The following COQ8B variants were observed in gnomAD, a reference collection of about 807,000 sequenced individuals.
COQ8B encodes the protein coenzyme Q8B, also known as atypical kinase COQ8B, mitochondrial.
Under a neutral mutation model 62.0 loss-of-function variants are expected in COQ8B, and 44 were observed. That is an observed-to-expected ratio of 0.71 (90% CI 0.56 to 0.91). The LOEUF (loss-of-function observed/expected upper bound fraction) is 0.91, where lower values mean the gene tolerates loss of function less well. COQ8B is among the 40% of genes least tolerant of loss of function. The pLI is 0.00. For missense variants in COQ8B, 649 were observed against 731.6 expected (o/e 0.89, Z 1.30); for synonymous variants, 252 against 289.9 (o/e 0.87, Z 1.33).
intron 14 of COQ8B, 81 bp from the exon 15 acceptor site, chr19:40,692,454 C>T: frequency 1.9e-5 from 22 of 1,185,250 alleles, no homozygotes; most frequent in South Asian, 1.1e-4. Context: ...CAACGTGTAG[C>T]CTCCACTCCC....
chr19:40,703,195 T>C (rs1264771722), intron 9 of COQ8B, among the ~76,000 whole-genome samples: 1 of 151,912 alleles, frequency 6.6e-6, no homozygotes, highest in Non-Finnish European at 1.5e-5. Flanking sequence ...CAACCCACCC[T>C]CCTTTCTCTA....
chr19:40,702,516 C>T (rs2082068092), intron 10 of COQ8B, 84 bp downstream of exon 10: 2 of 1,316,984 alleles, frequency 1.5e-6, no homozygotes, highest in Non-Finnish European at 2.2e-6. Context: ...CCCACAGCTC[C>T]AGCTGCCAGA....
chr19:40,692,459 A>G (rs1230388390), intron 14 of COQ8B, 86 bp from the exon 15 acceptor site: 2 of 1,183,398 alleles, frequency 1.7e-6, no homozygotes, highest in Non-Finnish European at 2.4e-6. Flanking sequence ...TGTAGCCTCC[A>G]CTCCCTCCAG....
At chr19:40,700,554 G>T in intron 10 of COQ8B, 103 bp from the exon 11 acceptor site, 1 of 1,391,038 alleles carries the variant, frequency 7.2e-7, no homozygotes, top group African/African-American at 1.4e-5. Context: ...TGAACAGTCT[G>T]CGCCATGCCC....
In COQ8B at chr19:40,700,335, C is replaced by T. The variant is rs1290469308; in HGVS notation, c.1010G>A (p.Gly337Asp). 2 of 1,614,134 alleles carry T rather than the reference C, an allele frequency of 1.2e-6. No individual in the cohort carries two copies. The highest frequency in any genetic ancestry group is 2.2e-5 in the East Asian group (1 of 44,886). The change falls in exon 11 of 15, where the codon GGC (glycine) becomes GAC (aspartate). Residue 337 changes from glycine to aspartate, a missense_variant. Gly to Asp is a moderately conservative substitution (Grantham distance 94). Coordinates refer to ENST00000324464, the MANE Select transcript of COQ8B (RefSeq NM_024876.4). ...AGGVPLDQCQ[G>D]LSQDLRNQIC... is the part of the protein sequence containing the mutation. ...CTGGTTCCGCAGGTCCTGGCTTAGG[C>T]CCTGGCACTGGTCCAGGGGGACCCC...
chr19:40,705,074 C>A (rs776487329), intron 7 of COQ8B, 22 bp downstream of exon 7: 7 of 1,584,676 alleles, frequency 4.4e-6, no homozygotes, highest in Non-Finnish European at 6.0e-6. Context: ...TCCCTCACCG[C>A]CCTCCCCCAC....
At chr19:40,696,672 A>T (rs1427707542) in intron 12 of COQ8B, among the ~76,000 whole-genome samples, 1 of 151,898 alleles carries the variant, frequency 6.6e-6, no homozygotes, top group Non-Finnish European at 1.5e-5. Flanking sequence ...CTCAAAAAAA[A>T]AAAAAAATAC....
rs752357978 is a variant in COQ8B at position 40,703,821 on chromosome 19, T to C, written c.611A>G (p.Gln204Arg). The change falls in exon 8 of 15, where the codon CAG (glutamine) becomes CGG (arginine). Residue 204 changes from glutamine (Q) to arginine (R), a missense_variant. Coordinates refer to ENST00000324464, the MANE Select transcript of COQ8B (RefSeq NM_024876.4). ...CTCCTCCAAGGAGGCCACCTTGGCC[T>C]GCCAGTCCCTGCCGAGCTCCTCTTC... ...VLEEELGRDW[Q>R]AKVASLEEVP... 1 of 1,612,818 alleles carries C rather than the reference T, an allele frequency of 6.2e-7. No homozygotes were observed. The highest frequency in any genetic ancestry group is 1.7e-5 in the Admixed American group (1 of 59,956).
At chr19:40,695,392 C>A (rs146349843) in intron 13 of COQ8B, among the ~76,000 whole-genome samples, 256 of 151,344 alleles carry the variant, frequency 1.7e-3, no homozygotes, top group African/African-American at 5.8e-3. Context: ...GATTAGAGGA[C>A]CCAGGGCAAA....
At chr19:40,705,254 TG>T (rs1568441013) in intron 6 of COQ8B, 70 bp downstream of exon 6, 9 of 1,591,142 alleles carry the variant, frequency 5.7e-6, no homozygotes, top group Non-Finnish European at 7.7e-6. Flanking sequence ...TATCTGAAGT[TG>T]GGGCCTGTTG....
rs542379262 is a variant in COQ8B, at chr19:40,691,949, T to C, written c.*86A>G. 26 of 1,325,902 alleles carry C rather than the reference T, an allele frequency of 2.0e-5. No individual in the cohort carries two copies. In the Admixed American group the frequency reaches 3.6e-4, roughly 18 times the overall value. The allele number at this position is 1,325,902 out of a possible 1,614,324, so 82.1% of individuals were successfully genotyped here. A position where few individuals can be genotyped will look rare whatever the true frequency, so the allele number is the denominator to read the frequency against. Reference sequence around the variant, plus strand: ...AGACTGGGAAGCCCAAGGGGGCTCCTCTGACCCAGGGCAGACGGGGAAGGG... The same window carrying C: ...AGACTGGGAAGCCCAAGGGGGCTCCCCTGACCCAGGGCAGACGGGGAAGGG... On this transcript the variant is annotated 3_prime_UTR_variant, in exon 15 of 15. Coordinates refer to ENST00000324464, the MANE Select transcript of COQ8B (RefSeq NM_024876.4).
intron 1 of COQ8B, chr19:40,714,886 A>ACGGC: frequency 7.8e-7 from 1 of 1,277,168 alleles, no homozygotes; most frequent in Admixed American, 3.9e-5. Context: ...CCCCGTTACT[A>ACGGC]GACACCCACA....
At chr19:40,694,096 C>A (rs2081995033) in intron 13 of COQ8B, among the ~76,000 whole-genome samples, 1 of 152,172 alleles carries the variant, frequency 6.6e-6, no homozygotes, top group Admixed American at 6.5e-5. Flanking sequence ...GCCTCAGTGG[C>A]CGGCAGAGAG....
intron 14 of COQ8B, 145 bp from the exon 15 acceptor site, chr19:40,692,518 C>T: frequency 1.4e-6 from 1 of 708,198 alleles, no homozygotes; most frequent in Non-Finnish European, 2.3e-6. Context: ...GAGCAGCTTC[C>T]ACTCCTTCCA....
At position 40,692,267 on chromosome 19, in the gene COQ8B, T is replaced by C. The variant is rs1481504168; in HGVS notation, c.1403A>G (p.Asp468Gly). 1.2e-6 allele frequency: 2 copies of C among 1,613,148 alleles called. No homozygotes were observed. Among genetic ancestry groups the C allele is most frequent in the African/African-American group, 1.3e-5 (1 of 74,744 alleles). ...GTGCCGCAGCAGCACCGGGATGAGG[T>C]CCTGTATGCGGCGGGCCGTTTCCCC... ...GSGETARRIQ[D>G]LIPVLLRHRL... is the part of the protein sequence containing the mutation. Residue 468 changes from aspartate to glycine, a missense_variant, in exon 15 of 15, where the codon GAC becomes GGC. Transcript: ENST00000324464.
chr19:40,709,056 T>C (rs1278134853), intron 5 of COQ8B, among the ~76,000 whole-genome samples: 2 of 152,218 alleles, frequency 1.3e-5, no homozygotes, highest in Admixed American at 6.5e-5. Context: ...CTGCTTTATC[T>C]GTGCGTGTAC....
chr19:40,696,540 C>G (rs2082016465), intron 12 of COQ8B, among the ~76,000 whole-genome samples: 1 of 151,872 alleles, frequency 6.6e-6, no homozygotes, highest in Admixed American at 6.6e-5. Flanking sequence ...TGGTGCGTGC[C>G]TGTAATCCCA....
chr19:40,715,509 ACATGGAGCCCCTCCACT>A, intron 1 of COQ8B: 2 of 985,500 alleles, frequency 2.0e-6, no homozygotes, highest in Non-Finnish European at 2.4e-6. Flanking sequence ...TTTCCCTTGC[ACATGGAGCCCCTCCACT>A]TTGCACAAAC....
At chr19:40,694,487 C>G (rs1240029371) in intron 13 of COQ8B, among the ~76,000 whole-genome samples, 1 of 152,200 alleles carries the variant, frequency 6.6e-6, no homozygotes, top group Non-Finnish European at 1.5e-5. Context: ...CCCCGACCTG[C>G]CCTCCCACTC....
Sources: allele counts gnomAD v4.1 joint callset (sites outside exome capture counted in the v4.1 genomes callset), GRCh38; gene constraint gnomAD v4.1.1; transcripts MANE v1.5; gene names NCBI Gene and HGNC (gene_info 2026-07-23, HGNC 2026-07-21).